The following TCERG1L variants were observed in gnomAD, a reference collection of about 807,000 sequenced individuals.
TCERG1L encodes the protein transcription elongation regulator 1-like protein.
In TCERG1L, 37 loss-of-function variants were observed where a neutral mutation model predicts 56.3. The ratio of observed to expected loss-of-function variants is 0.66; its 90% confidence interval spans 0.51 to 0.87. The LOEUF (loss-of-function observed/expected upper bound fraction) is 0.87. Ranked by LOEUF, TCERG1L falls within the 40% of genes least tolerant of loss-of-function variation. The pLI is 0.00. For synonymous variants in TCERG1L, 324 were observed against 326.3 expected, an observed-to-expected ratio of 0.99 and a Z score of 0.08; for missense variants, 799 against 774.2, an observed-to-expected ratio of 1.03 and a Z score of -0.38.
intron 11 of TCERG1L, among the ~76,000 whole-genome samples, chr10:131,094,068 T>A (rs1845215937): frequency 6.6e-6 from 1 of 152,140 alleles, no homozygotes; most frequent in Non-Finnish European, 1.5e-5. Context: ...AGCAAGGCTG[T>A]TCTCAAGGCT....
chr10:131,276,336 C>G (rs1846393144), intron 3 of TCERG1L, among the ~76,000 whole-genome samples: 1 of 152,206 alleles, frequency 6.6e-6, no homozygotes, highest in South Asian at 2.1e-4. Context: ...AACCAGCAGC[C>G]CAAGGCTTCA....
At chr10:131,273,214 AGCC>A (rs1846357033) in intron 3 of TCERG1L, among the ~76,000 whole-genome samples, 1 of 151,818 alleles carries the variant, frequency 6.6e-6, no homozygotes, top group African/African-American at 2.4e-5. Context: ...CCGTGTAGAC[AGCC>A]TGGGACCCCC....
chr10:131,114,918 G>A (rs1845440342), intron 9 of TCERG1L, among the ~76,000 whole-genome samples: 1 of 152,216 alleles, frequency 6.6e-6, no homozygotes, highest in African/African-American at 2.4e-5. Flanking sequence ...AGCCTGGCCA[G>A]GCCTATTCAG....
chr10:131,166,172 T>C (rs541002678), intron 5 of TCERG1L, among the ~76,000 whole-genome samples: 17 of 152,290 alleles, frequency 1.1e-4, no homozygotes, highest in Admixed American at 9.8e-4. Context: ...AAGCTCGCAG[T>C]GTGGCTTTAG....
chr10:131,116,767 AG>A, intron 9 of TCERG1L, 31 bp downstream of exon 9: 1 of 1,545,848 alleles, frequency 6.5e-7, no homozygotes, highest in Non-Finnish European at 8.7e-7. Flanking sequence ...GGTCTGCCGT[AG>A]GAGTGCAGCC....
intron 3 of TCERG1L, among the ~76,000 whole-genome samples, chr10:131,274,066 G>A (rs954855192): frequency 2.6e-5 from 4 of 152,130 alleles, no homozygotes; most frequent in South Asian, 2.1e-4. Context: ...AAGCACCACC[G>A]CCGTCGAATG....
At chr10:131,285,780 G>T (rs927175712) in intron 3 of TCERG1L, among the ~76,000 whole-genome samples, 1 of 152,002 alleles carries the variant, frequency 6.6e-6, no homozygotes, top group African/African-American at 2.4e-5. Context: ...ATTAAAAAAA[G>T]AAAAATGTGG....
At chr10:131,272,040 G>T (rs1465944726) in intron 3 of TCERG1L, among the ~76,000 whole-genome samples, 1 of 152,200 alleles carries the variant, frequency 6.6e-6, no homozygotes, top group Non-Finnish European at 1.5e-5. Flanking sequence ...AAGCTTCACA[G>T]GGAGATAAGC....
intron 8 of TCERG1L, among the ~76,000 whole-genome samples, chr10:131,119,417 G>T (rs1845491560): frequency 6.6e-6 from 1 of 152,148 alleles, no homozygotes. Flanking sequence ...TTTGAGAAAA[G>T]AATATTACCA....
intron 3 of TCERG1L, among the ~76,000 whole-genome samples, chr10:131,302,330 G>GT (rs57225154): frequency 0.34 from 49,757 of 147,686 alleles, 8,620 homozygotes; most frequent in Non-Finnish European, 0.38. Flanking sequence ...GCTGAAATTT[G>GT]TTTTTTTGTT....
At chr10:131,308,183 A>G (rs1369712788) in intron 3 of TCERG1L, 28 bp downstream of exon 3, 1 of 1,572,690 alleles carries the variant, frequency 6.4e-7, no homozygotes, top group Non-Finnish European at 8.6e-7. Flanking sequence ...AATGAAACAG[A>G]CATTGTCAAT....
At chr10:131,285,402 G>A (rs1846512144) in intron 3 of TCERG1L, among the ~76,000 whole-genome samples, 1 of 112,060 alleles carries the variant, frequency 8.9e-6, no homozygotes, top group South Asian at 3.2e-4. Flanking sequence ...AGAAAAGAAA[G>A]GAAGGAAGGA....
chr10:131,224,755 C>T (rs1845774081), intron 4 of TCERG1L, among the ~76,000 whole-genome samples: 1 of 152,052 alleles, frequency 6.6e-6, no homozygotes, highest in Admixed American at 6.6e-5. Context: ...CCCCAAACCC[C>T]ACCCCCTACT....
chr10:131,176,039 C>T (rs905664155), intron 4 of TCERG1L, among the ~76,000 whole-genome samples: 4 of 152,300 alleles, frequency 2.6e-5, no homozygotes, highest in South Asian at 4.1e-4. Context: ...ATACAGCTGC[C>T]GACAGACGGA....
At chr10:131,234,997 C>T (rs1290451131) in intron 4 of TCERG1L, among the ~76,000 whole-genome samples, 2 of 152,160 alleles carry the variant, frequency 1.3e-5, no homozygotes, top group African/African-American at 4.8e-5. Context: ...CCACCGTGCT[C>T]AGCTGGATAA....
intron 4 of TCERG1L, among the ~76,000 whole-genome samples, chr10:131,196,330 T>C (rs1845363140): frequency 6.6e-6 from 1 of 152,114 alleles, no homozygotes; most frequent in South Asian, 2.1e-4. Context: ...CACAGGCACA[T>C]ACACAGCCGC....
chr10:131,096,542 C>A (rs1296536008), intron 11 of TCERG1L, among the ~76,000 whole-genome samples: 1 of 152,054 alleles, frequency 6.6e-6, no homozygotes, highest in South Asian at 2.1e-4. Flanking sequence ...TCTTGATCAA[C>A]CAAATCACAG....
At chr10:131,204,350 G>T (rs73396429) in intron 4 of TCERG1L, among the ~76,000 whole-genome samples, 9 of 152,352 alleles carry the variant, frequency 5.9e-5, no homozygotes, top group African/African-American at 2.2e-4. Flanking sequence ...CAGCAAGTGG[G>T]CTGGCCCGAT....
chr10:131,271,607 A>T (rs1381831145), intron 3 of TCERG1L, among the ~76,000 whole-genome samples: 7 of 152,216 alleles, frequency 4.6e-5, no homozygotes, highest in Non-Finnish European at 7.3e-5. Context: ...GCTGGGAATT[A>T]TGCCCGCCGG....
Sources: allele counts gnomAD v4.1 joint callset (sites outside exome capture counted in the v4.1 genomes callset), GRCh38; gene constraint gnomAD v4.1.1; transcripts MANE v1.5; gene names NCBI Gene and HGNC (gene_info 2026-07-23, HGNC 2026-07-21).